ASTN1: variants seen among roughly 807,000 people sequenced by gnomAD.
The protein encoded by ASTN1 is astrotactin-1.
In ASTN1, 41 loss-of-function variants were observed where a neutral mutation model predicts 140.7. That is an observed-to-expected ratio of 0.29 (90% CI 0.23 to 0.38). The LOEUF is 0.38. ASTN1 is among the 10% of genes least tolerant of loss of function. ASTN1 has a pLI of 1.00. For missense variants in ASTN1, 1,479 were observed against 1,678.8 expected, an observed-to-expected ratio of 0.88 and a Z score of 2.08; for synonymous variants, 640 against 652.2, an observed-to-expected ratio of 0.98 and a Z score of 0.29.
intron 1 of ASTN1, among the ~76,000 whole-genome samples, chr1:177,121,091 T>C (rs1021022518): frequency 1.3e-5 from 2 of 151,130 alleles, no homozygotes; most frequent in African/African-American, 2.4e-5. Context: ...TACATATATA[T>C]ATATATACAT....
chr1:176,869,375 T>G (rs1314378986), intron 21 of ASTN1, among the ~76,000 whole-genome samples: 1 of 152,158 alleles, frequency 6.6e-6, no homozygotes, highest in Non-Finnish European at 1.5e-5. Context: ...AATAAAAGGC[T>G]TTGACTAGAC....
At chr1:177,000,343 C>T (rs1280360363) in intron 8 of ASTN1, among the ~76,000 whole-genome samples, 1 of 152,178 alleles carries the variant, frequency 6.6e-6, no homozygotes, top group Non-Finnish European at 1.5e-5. Flanking sequence ...GTGATTTGAA[C>T]AGTCCTGGGC....
chr1:177,151,273 C>A (rs550834246), intron 1 of ASTN1, among the ~76,000 whole-genome samples: 1 of 152,122 alleles, frequency 6.6e-6, no homozygotes, highest in South Asian at 2.1e-4. Flanking sequence ...AAAATCTATT[C>A]TCTCTTTCTT....
intron 1 of ASTN1, among the ~76,000 whole-genome samples, chr1:177,081,241 A>G (rs1270278463): frequency 6.6e-6 from 1 of 152,218 alleles, no homozygotes; most frequent in Non-Finnish European, 1.5e-5. Context: ...CTGGTGGGCT[A>G]TGTGAACTTT....
intron 1 of ASTN1, among the ~76,000 whole-genome samples, chr1:177,114,354 T>A (rs1473567448): frequency 6.6e-6 from 1 of 152,166 alleles, no homozygotes; most frequent in Non-Finnish European, 1.5e-5. Flanking sequence ...AAACCATTTG[T>A]TTTTCCTATT....
intron 8 of ASTN1, among the ~76,000 whole-genome samples, chr1:177,013,094 C>T (rs1675372615): frequency 1.3e-5 from 2 of 152,136 alleles, no homozygotes; most frequent in Admixed American, 1.3e-4. Flanking sequence ...ATCTATCAGC[C>T]AAACCTTCTG....
At chr1:176,968,777 C>A (rs537081054) in intron 8 of ASTN1, among the ~76,000 whole-genome samples, 1 of 152,226 alleles carries the variant, frequency 6.6e-6, no homozygotes, top group South Asian at 2.1e-4. Context: ...TTCCTGCCCT[C>A]AAAGGAATCT....
At chr1:176,928,989 G>C (rs1412480044) in intron 16 of ASTN1, among the ~76,000 whole-genome samples, 1 of 152,172 alleles carries the variant, frequency 6.6e-6, no homozygotes, top group Non-Finnish European at 1.5e-5. Context: ...GGAGACTTTA[G>C]AGAGCAAATC....
At chr1:176,966,098 C>T (rs546917752) in intron 8 of ASTN1, among the ~76,000 whole-genome samples, 1 of 152,302 alleles carries the variant, frequency 6.6e-6, no homozygotes, top group Admixed American at 6.5e-5. Context: ...CTATTGCACA[C>T]ACTAGGTGGA....
intron 8 of ASTN1, among the ~76,000 whole-genome samples, chr1:176,989,708 G>A (rs1021128637): frequency 3.3e-5 from 5 of 152,116 alleles, no homozygotes; most frequent in Admixed American, 2.6e-4. Flanking sequence ...GGTCCGGCAG[G>A]GCCATGACAT....
chr1:176,990,141 G>A (rs190875444), intron 8 of ASTN1, among the ~76,000 whole-genome samples: 197 of 149,356 alleles, frequency 1.3e-3, no homozygotes, highest in African/African-American at 4.5e-3. Context: ...GAGGGAACAT[G>A]AGAGCCTGAG....
intron 1 of ASTN1, among the ~76,000 whole-genome samples, chr1:177,121,251 A>G (rs1488419331): frequency 6.6e-6 from 1 of 152,140 alleles, no homozygotes; most frequent in Non-Finnish European, 1.5e-5. Context: ...ACTGGGTAAA[A>G]GATGGAAAGA....
intron 16 of ASTN1, among the ~76,000 whole-genome samples, chr1:176,912,180 C>T (rs548493395): frequency 6.6e-6 from 1 of 152,292 alleles, no homozygotes; most frequent in African/African-American, 2.4e-5. Context: ...TCTTTAATAA[C>T]AAGAGCTACC....
At chr1:177,120,684 C>G (rs1001941669) in intron 1 of ASTN1, among the ~76,000 whole-genome samples, 1 of 152,172 alleles carries the variant, frequency 6.6e-6, no homozygotes, top group Non-Finnish European at 1.5e-5. Context: ...CCCTTCCTAT[C>G]TCACTCAAAC....
In ASTN1 at chr1:176,958,230, C is replaced by A. The variant is rs540958015; in HGVS notation, c.1736+115G>T. ...ATAGGGGGAATTTGCAGGCTGCCTG[C>A]CAATTTTTCCTTTTAGCTTGTTGGG... On this transcript the variant is annotated intron_variant, in intron 10 of 22. Coordinates refer to ENST00000361833, the MANE Select transcript of ASTN1 (RefSeq NM_004319.3). 70 of 1,526,170 alleles carry A rather than the reference C, an allele frequency of 4.6e-5. No homozygotes were observed. The African/African-American group carries it at 8.3e-4, about 18-fold the overall frequency. The allele number at this position is 1,526,170 out of a possible 1,614,324, so 94.5% of individuals were successfully genotyped here. A position where few individuals can be genotyped will look rare whatever the true frequency, so the allele number is the denominator to read the frequency against.
At chr1:177,018,628 G>A (rs1304662069) in intron 7 of ASTN1, among the ~76,000 whole-genome samples, 1 of 152,142 alleles carries the variant, frequency 6.6e-6, no homozygotes, top group East Asian at 1.9e-4. Flanking sequence ...CTTGAAAAGG[G>A]CAATGAGGGG....
At chr1:176,991,128 C>A (rs1674137000) in intron 8 of ASTN1, among the ~76,000 whole-genome samples, 2 of 152,124 alleles carry the variant, frequency 1.3e-5, no homozygotes, top group Admixed American at 1.3e-4. Context: ...ATAGAGCCGG[C>A]CGGGTGCAGT....
At chr1:177,094,795 C>T (rs1034906106) in intron 1 of ASTN1, among the ~76,000 whole-genome samples, 3 of 152,090 alleles carry the variant, frequency 2.0e-5, no homozygotes, top group Non-Finnish European at 2.9e-5. Context: ...CTAGAAAAAG[C>T]CTAGATTGCT....
intron 1 of ASTN1, among the ~76,000 whole-genome samples, chr1:177,132,596 A>G (rs227504): frequency 2.2e-4 from 33 of 152,334 alleles, no homozygotes; most frequent in African/African-American, 7.7e-4. Flanking sequence ...GCTGTAATCT[A>G]TAATCTAGAA....
Sources: allele counts gnomAD v4.1 joint callset (sites outside exome capture counted in the v4.1 genomes callset), GRCh38; gene constraint gnomAD v4.1.1; transcripts MANE v1.5; gene names NCBI Gene and HGNC (gene_info 2026-07-23, HGNC 2026-07-21).